FNDC3B: variants seen among roughly 807,000 people sequenced by gnomAD.
FNDC3B encodes fibronectin type III domain-containing protein 3B.
In FNDC3B, 12 loss-of-function variants were observed where a neutral mutation model predicts 151.5. The ratio of observed to expected loss-of-function variants is 0.08; its 90% confidence interval spans 0.05 to 0.13. FNDC3B has a LOEUF of 0.13. Among genes scored for constraint, FNDC3B ranks in the 10% least tolerant of loss-of-function variants. FNDC3B has a pLI of 1.00. For missense variants in FNDC3B, 1,214 were observed against 1,505.3 expected, an observed-to-expected ratio of 0.81 and a Z score of 3.20; for synonymous variants, 528 against 549.0, an observed-to-expected ratio of 0.96 and a Z score of 0.54.
intron 3 of FNDC3B, among the ~76,000 whole-genome samples, chr3:172,161,486 A>T (rs1419865433): frequency 6.6e-6 from 1 of 152,220 alleles, no homozygotes; most frequent in Admixed American, 6.5e-5. Context: ...TGATGAATAG[A>T]ATCAAAACCT....
At chr3:172,200,033 T>TCATC (rs1169560064) in intron 3 of FNDC3B, among the ~76,000 whole-genome samples, 2 of 152,180 alleles carry the variant, frequency 1.3e-5, no homozygotes, top group African/African-American at 4.8e-5. Flanking sequence ...ATTCATTCAT[T>TCATC]CTCTAACCCA....
intron 4 of FNDC3B, among the ~76,000 whole-genome samples, chr3:172,229,938 T>G (rs1293313567): frequency 6.6e-6 from 1 of 152,158 alleles, no homozygotes; most frequent in Non-Finnish European, 1.5e-5. Flanking sequence ...TAAATGGTGC[T>G]GGAAAAGCTG....
At chr3:172,091,917 G>A (rs1396013619) in intron 1 of FNDC3B, among the ~76,000 whole-genome samples, 2 of 38,336 alleles carry the variant, frequency 5.2e-5, no homozygotes, top group African/African-American at 1.1e-4. Context: ...TGTTAGGGAG[G>A]TGAGGGGGTA....
chr3:172,138,607 G>A (rs1471184930), intron 3 of FNDC3B, among the ~76,000 whole-genome samples: 1 of 152,202 alleles, frequency 6.6e-6, no homozygotes, highest in Non-Finnish European at 1.5e-5. Flanking sequence ...TATAAATTGT[G>A]AGGCTAAAGA....
intron 3 of FNDC3B, among the ~76,000 whole-genome samples, chr3:172,204,111 C>G (rs1019839925): frequency 1.3e-5 from 2 of 152,194 alleles, no homozygotes; most frequent in African/African-American, 4.8e-5. Flanking sequence ...CATATTGCTG[C>G]CTCTGTGAGG....
intron 23 of FNDC3B, among the ~76,000 whole-genome samples, chr3:172,369,197 A>G (rs1157157607): frequency 1.3e-5 from 2 of 152,134 alleles, no homozygotes; most frequent in Admixed American, 1.3e-4. Context: ...TTTACCTCTC[A>G]TTTACTAAAA....
chr3:172,153,287 C>G (rs1417227670), intron 3 of FNDC3B, among the ~76,000 whole-genome samples: 3 of 152,172 alleles, frequency 2.0e-5, no homozygotes, highest in Admixed American at 2.0e-4. Context: ...CGGGGAAAGT[C>G]TCAAAGATAG....
chr3:172,302,357 T>C (rs1730954657), intron 9 of FNDC3B: 1 of 152,208 alleles, frequency 6.6e-6, no homozygotes, highest in East Asian at 1.9e-4. Context: ...ACCAACTCAC[T>C]GTTACTGGGA....
chr3:172,199,265 C>T (rs1341431605), intron 3 of FNDC3B, among the ~76,000 whole-genome samples: 6 of 151,568 alleles, frequency 4.0e-5, no homozygotes, highest in African/African-American at 1.2e-4. Flanking sequence ...CTGCAGGCTC[C>T]GCCTCCCGGG....
At chr3:172,395,392 G>A (rs1399533080) in intron 25 of FNDC3B, among the ~76,000 whole-genome samples, 4 of 152,134 alleles carry the variant, frequency 2.6e-5, no homozygotes, top group Admixed American at 2.6e-4. Flanking sequence ...AAAGACTCTT[G>A]TTAGTTTCAG....
chr3:172,392,210 C>G (rs1466221620), intron 25 of FNDC3B, among the ~76,000 whole-genome samples: 2 of 152,184 alleles, frequency 1.3e-5, no homozygotes, highest in African/African-American at 2.4e-5. Flanking sequence ...AAGGGGTTTG[C>G]TTACAGCTCT....
chr3:172,060,163 A>G (rs1350075537), intron 1 of FNDC3B, among the ~76,000 whole-genome samples: 4 of 152,230 alleles, frequency 2.6e-5, no homozygotes, highest in Admixed American at 2.0e-4. Context: ...CCCATTGACA[A>G]TTCTCAAATA....
intron 3 of FNDC3B, among the ~76,000 whole-genome samples, chr3:172,207,624 A>G (rs2108703447): frequency 6.6e-6 from 1 of 152,256 alleles, no homozygotes; most frequent in Admixed American, 6.5e-5. Flanking sequence ...GCCTGGAAAA[A>G]GTATCATCCA....
intron 3 of FNDC3B, among the ~76,000 whole-genome samples, chr3:172,163,204 G>A (rs1002155733): frequency 2.0e-5 from 3 of 151,960 alleles, no homozygotes; most frequent in Admixed American, 2.0e-4. Context: ...CCAGGAGTTT[G>A]AGGCTGCAGT....
chr3:172,328,756 T>C (rs1209996958), intron 11 of FNDC3B, among the ~76,000 whole-genome samples, 196 bp from the exon 12 acceptor site: 11 of 152,178 alleles, frequency 7.2e-5, no homozygotes. Context: ...TGCCTTTATG[T>C]TAGAGATGAG....
intron 4 of FNDC3B, among the ~76,000 whole-genome samples, chr3:172,235,676 T>C (rs1335325928): frequency 3.9e-5 from 6 of 152,244 alleles, no homozygotes; most frequent in African/African-American, 1.4e-4. Context: ...ACTTCAGACT[T>C]TGCCTTCATT....
At chr3:172,129,251 G>T (rs1428796260) in intron 2 of FNDC3B, among the ~76,000 whole-genome samples, 2 of 152,160 alleles carry the variant, frequency 1.3e-5, no homozygotes, top group African/African-American at 2.4e-5. Context: ...GGAATTACAG[G>T]CATGAGCCTC....
chr3:172,148,398 G>A (rs1722026627), intron 3 of FNDC3B: 1 of 152,164 alleles, frequency 6.6e-6, no homozygotes, highest in African/African-American at 2.4e-5. Context: ...GGCCAATATG[G>A]AAGTTGGCTT....
At chr3:172,336,996 C>T (rs542084078) in intron 15 of FNDC3B, among the ~76,000 whole-genome samples, 9 of 151,412 alleles carry the variant, frequency 5.9e-5, no homozygotes, top group African/African-American at 2.2e-4. Flanking sequence ...TACAGTCTTA[C>T]ATAAAAATCA....
Sources: allele counts gnomAD v4.1 joint callset (sites outside exome capture counted in the v4.1 genomes callset), GRCh38; gene constraint gnomAD v4.1.1; transcripts MANE v1.5; gene names NCBI Gene and HGNC (gene_info 2026-07-23, HGNC 2026-07-21).